The following PARD3B variants were observed in gnomAD, a reference collection of about 807,000 sequenced individuals.
The protein encoded by PARD3B is partitioning defective 3 homolog B.
PARD3B carries 103 observed loss-of-function variants against 130.2 expected under a neutral mutation model. The ratio of observed to expected loss-of-function variants is 0.79; its 90% confidence interval spans 0.67 to 0.93. The LOEUF (loss-of-function observed/expected upper bound fraction) is 0.93, where lower values mean the gene tolerates loss of function less well. Among genes scored for constraint, PARD3B ranks in the 40% least tolerant of loss-of-function variants. The probability of loss-of-function intolerance (pLI) is 0.00; values close to 1 mark genes in which losing one functional copy is unlikely to be tolerated. For missense variants in PARD3B, 1,609 were observed against 1,499.2 expected, an observed-to-expected ratio of 1.07 and a Z score of -1.21; for synonymous variants, 583 against 553.2, an observed-to-expected ratio of 1.05 and a Z score of -0.76.
Position 205,591,937 on chromosome 2 carries a change from A to G in PARD3B, c.3261-23519A>G, listed in dbSNP as rs1245278325. 6.6e-6 allele frequency among the ~76,000 whole-genome samples: 1 copy of G among 152,334 alleles called. No individual in the cohort carries two copies. The highest frequency in any genetic ancestry group is 1.9e-4 in the East Asian group (1 of 5,176). On this transcript the variant is annotated intron_variant, in intron 22 of 22. Coordinates refer to ENST00000406610, the MANE Select transcript of PARD3B (RefSeq NM_001302769.2). This position sits in a 1 kb window ranked among gnomAD's most constrained non-coding sequence, Gnocchi z 4.2. ...GGTCCAGCAGGGAACGAAGACACCC[A>G]GGCATGGACATTAAGATTCAAGGCT...
chr2:204,805,280 G>T (rs1054948385), intron 2 of PARD3B, among the ~76,000 whole-genome samples: 5 of 152,026 alleles, frequency 3.3e-5, no homozygotes, highest in Admixed American at 1.3e-4. Context: ...TGACTACTAT[G>T]AGCAACTCTA....
chr2:204,704,599 T>C (rs2038049332), intron 2 of PARD3B, among the ~76,000 whole-genome samples: 1 of 152,218 alleles, frequency 6.6e-6, no homozygotes, highest in Admixed American at 6.5e-5. Context: ...ATGCATATTA[T>C]CTTGCTTTGC....
At chr2:204,708,398 G>T (rs1229316684) in intron 2 of PARD3B, among the ~76,000 whole-genome samples, 1 of 152,164 alleles carries the variant, frequency 6.6e-6, no homozygotes, top group African/African-American at 2.4e-5. Flanking sequence ...AATATATGTA[G>T]CATGAAAGCT....
chr2:204,566,800 G>A (rs547433522), intron 1 of PARD3B, among the ~76,000 whole-genome samples: 55 of 151,480 alleles, frequency 3.6e-4, no homozygotes, highest in African/African-American at 1.2e-3. Flanking sequence ...GGCCTCTAAT[G>A]TGTCAGTTTC....
chr2:205,355,341 C>T (rs2044153322), intron 18 of PARD3B, among the ~76,000 whole-genome samples: 1 of 152,044 alleles, frequency 6.6e-6, no homozygotes, highest in South Asian at 2.1e-4. Flanking sequence ...AGTTTTGAAC[C>T]ATGATGCATT....
At position 205,160,188 on chromosome 2, in the gene PARD3B, G is replaced by A. The variant is rs892319232; in HGVS notation, c.1620+1281G>A. 2.6e-5 allele frequency among the ~76,000 whole-genome samples: 4 copies of A among 152,126 alleles called. No homozygotes were observed. Among genetic ancestry groups the A allele is most frequent in the East Asian group, 3.8e-4 (2 of 5,204 alleles). ...CTCCTTGGTTTAGTTAGCTTTTGTC[G>A]CATAATAAATAGTCATAATTTTTCA... On this transcript the variant is annotated intron_variant, in intron 11 of 22. Coordinates refer to ENST00000406610, the MANE Select transcript of PARD3B (RefSeq NM_001302769.2). The surrounding 1 kb of genome is among the most constrained non-coding windows in gnomAD (Gnocchi z 4.0).
intron 1 of PARD3B, among the ~76,000 whole-genome samples, chr2:204,592,407 A>G (rs951961885): frequency 6.6e-6 from 1 of 152,220 alleles, no homozygotes; most frequent in Non-Finnish European, 1.5e-5. Flanking sequence ...GAAAAGCACA[A>G]AGGAAAGCCT....
chr2:205,161,550 T>A (rs1171143380), intron 11 of PARD3B, among the ~76,000 whole-genome samples: 1 of 152,262 alleles, frequency 6.6e-6, no homozygotes, highest in Non-Finnish European at 1.5e-5. Flanking sequence ...CTCCTACTGT[T>A]GTTCCAGTAA....
At chr2:205,219,045 A>G (rs2038097801) in intron 15 of PARD3B, among the ~76,000 whole-genome samples, 1 of 151,842 alleles carries the variant, frequency 6.6e-6, no homozygotes, top group Non-Finnish European at 1.5e-5. Context: ...GCACCACTGC[A>G]CTACAGCCTG....
In PARD3B at chr2:205,608,427, C is replaced by T. The variant is rs893025837; in HGVS notation, c.3261-7029C>T. On this transcript the variant is annotated intron_variant, in intron 22 of 22. Coordinates refer to ENST00000406610, the MANE Select transcript of PARD3B (RefSeq NM_001302769.2). ...ATGATTTGTTCCTTTGGTTGCCATT[C>T]TCTTTAAACAAAGCCTGTTCTGTGG... 3.3e-5 allele frequency among the ~76,000 whole-genome samples: 5 copies of T among 152,320 alleles called. No homozygotes were observed. In the South Asian group the frequency reaches 8.3e-4, roughly 25 times the overall value.
intron 1 of PARD3B, among the ~76,000 whole-genome samples, chr2:204,582,304 A>T (rs2032597381): frequency 6.6e-6 from 1 of 152,184 alleles, no homozygotes; most frequent in Admixed American, 6.5e-5. Context: ...CTGCCTTTGC[A>T]GTTGATCTGT....
chr2:204,804,604 A>G (rs538771451), intron 2 of PARD3B, among the ~76,000 whole-genome samples: 1 of 152,322 alleles, frequency 6.6e-6, no homozygotes, highest in Non-Finnish European at 1.5e-5. Flanking sequence ...ACAAAGAAAC[A>G]CTGGGCTTAA....
chr2:204,615,846 A>G (rs777397924), intron 1 of PARD3B, among the ~76,000 whole-genome samples: 4 of 152,196 alleles, frequency 2.6e-5, no homozygotes, highest in Non-Finnish European at 5.9e-5. Flanking sequence ...GAAGTGCTTT[A>G]TAGGTACACT....
At chr2:204,621,925 C>T (rs1371768405) in intron 1 of PARD3B, among the ~76,000 whole-genome samples, 1 of 152,130 alleles carries the variant, frequency 6.6e-6, no homozygotes, top group Non-Finnish European at 1.5e-5. Flanking sequence ...AATCATTGTT[C>T]TAATCTCACT....
rs149466583 is a variant in PARD3B, at chr2:204,975,893, T to C, written c.394+10570T>C. Among the ~76,000 whole-genome samples the C allele has an allele frequency of 1.9e-3, 288 of 152,346 alleles. 2 individuals are homozygous for C. The highest frequency in any genetic ancestry group is 6.7e-3 in the African/African-American group (277 of 41,586). ...TGAGAAGTTTGGAGAATGCATTTAG[T>C]GTCTTTTTCTCTTTTCAGACAATTC... On this transcript the variant is annotated intron_variant, in intron 3 of 22. Transcript: ENST00000406610.
Position 205,484,869 on chromosome 2 carries a change from G to A in PARD3B, c.3045-15027G>A, listed in dbSNP as rs1355514. ...AAAAACTAGCAACTGTCACACTGTC[G>A]AGAGGCTACTGAGAGCTGGAGGAAG... On this transcript the variant is annotated intron_variant, in intron 20 of 22. Transcript: ENST00000406610. Among the ~76,000 whole-genome samples the A allele has an allele frequency of 1.6e-3, 241 of 152,280 alleles. 1 individual carries two copies. The highest frequency in any genetic ancestry group is 5.3e-3 in the African/African-American group (219 of 41,568).
intron 21 of PARD3B, among the ~76,000 whole-genome samples, chr2:205,523,892 GATAATATTCTTTATAT>G (rs1406444910): frequency 4.9e-5 from 7 of 141,912 alleles, no homozygotes; most frequent in Non-Finnish European, 1.5e-5. Flanking sequence ...AAAATCTGAT[GATAATATTCTTTATAT>G]ATAAATCTAA....
At chr2:204,925,159 A>G (rs72940447) in intron 2 of PARD3B, among the ~76,000 whole-genome samples, 1,931 of 152,172 alleles carry the variant, frequency 0.013, 40 homozygotes, top group Non-Finnish European at 0.013. Context: ...AAGGGTAATC[A>G]ATTATCTCTG....
At chr2:204,657,231 T>C (rs772117272) in intron 1 of PARD3B, among the ~76,000 whole-genome samples, 2 of 152,144 alleles carry the variant, frequency 1.3e-5, no homozygotes, top group Non-Finnish European at 2.9e-5. Flanking sequence ...AACCATACAT[T>C]AAGAATTGTG....
Sources: allele counts gnomAD v4.1 joint callset (sites outside exome capture counted in the v4.1 genomes callset), GRCh38; gene constraint gnomAD v4.1.1; non-coding constraint Gnocchi (gnomAD v3.1); transcripts MANE v1.5; gene names NCBI Gene and HGNC (gene_info 2026-07-23, HGNC 2026-07-21).